Variants in MAPK6 observed in about 807,000 individuals in gnomAD.
MAPK6 encodes the protein ERK-3.
A neutral mutation model predicts 59.3 loss-of-function variants in MAPK6; 19 were observed. The observed-to-expected ratio is 0.32, with a 90% CI of 0.22 to 0.47. The LOEUF is 0.47. Ranked by LOEUF, MAPK6 falls within the 20% of genes least tolerant of loss-of-function variation. MAPK6 has a pLI of 1.00. For missense variants in MAPK6, 724 were observed against 847.9 expected (o/e 0.85, Z 1.81); for synonymous variants, 316 against 290.3 (o/e 1.09, Z -0.90).
chr15:52,041,319 C>G (rs1300022758), intron 1 of MAPK6, among the ~76,000 whole-genome samples: 1 of 152,128 alleles, frequency 6.6e-6, no homozygotes, highest in Non-Finnish European at 1.5e-5. Flanking sequence ...GCCTCAGCCT[C>G]TGGAGTAGCT....
chr15:51,978,218 C>G (rs759112018), intron 1 of MAPK6, among the ~76,000 whole-genome samples: 2 of 151,666 alleles, frequency 1.3e-5, no homozygotes, highest in Non-Finnish European at 2.9e-5. Flanking sequence ...CTGCAGCCTC[C>G]GTCTCCTGGG....
intron 2 of MAPK6, among the ~76,000 whole-genome samples, chr15:51,997,551 C>T (rs997525492): frequency 6.6e-6 from 1 of 152,170 alleles, no homozygotes; most frequent in African/African-American, 2.4e-5. Flanking sequence ...AACCACCTTG[C>T]CCGGCCCAGG....
At chr15:52,061,538 A>G (rs765266001) in intron 5 of MAPK6, 38 bp downstream of exon 5, 31 of 1,462,396 alleles carry the variant, frequency 2.1e-5, no homozygotes, top group Non-Finnish European at 3.0e-5. Context: ...ATATTTACTG[A>G]ACTTTCAGTG....
At chr15:52,056,853 GATGACTCCTGAATTTA>G (rs2032003960) in intron 3 of MAPK6, 1 of 142,102 alleles carries the variant, frequency 7.0e-6, no homozygotes, top group Admixed American at 7.2e-5. Flanking sequence ...CTGAATTTAT[GATGACTCCTGAATTTA>G]TATCTTCAGC....
intron 3 of MAPK6, among the ~76,000 whole-genome samples, chr15:52,055,786 A>T (rs887998483): frequency 6.6e-5 from 10 of 152,178 alleles, no homozygotes; most frequent in African/African-American, 2.4e-4. Flanking sequence ...AAGTGCTGGG[A>T]TTACAGGTGT....
intron 1 of MAPK6, among the ~76,000 whole-genome samples, chr15:52,038,868 G>C (rs984442117): frequency 6.6e-6 from 1 of 152,158 alleles, no homozygotes; most frequent in Non-Finnish European, 1.5e-5. Flanking sequence ...CTCCCATTCT[G>C]AGCATACCAC....
At chr15:52,029,488 T>C (rs1018807520) in intron 1 of MAPK6, among the ~76,000 whole-genome samples, 1 of 152,200 alleles carries the variant, frequency 6.6e-6, no homozygotes, top group Non-Finnish European at 1.5e-5. Flanking sequence ...ATAATTCTCA[T>C]ATTTATGTTT....
chr15:52,013,354 C>T (rs2030147149), intron 3 of MAPK6, among the ~76,000 whole-genome samples: 1 of 152,068 alleles, frequency 6.6e-6, no homozygotes, highest in Admixed American at 6.6e-5. Context: ...TTATATCAGA[C>T]ATTTTCCAGG....
At position 52,058,742 on chromosome 15, in the gene MAPK6, C is replaced by T; in HGVS notation, c.810C>T (p.Asp270=). Residue 270 remains aspartate, a synonymous_variant, in exon 4 of 6, where the codon GAC becomes GAT. Coordinates refer to ENST00000261845, the MANE Select transcript of MAPK6 (RefSeq NM_002748.4). ...TAATTCCAGTTTACATTAGAAATGA[C>T]ATGACTGAGCCACACAAACCTTTAA... ...LSVIPVYIRN[D]MTEPHKPLTQ... 6.2e-7 allele frequency: 1 copy of T among 1,613,520 alleles called. No homozygotes were observed. Among genetic ancestry groups the T allele is most frequent in the Non-Finnish European group, 8.5e-7 (1 of 1,179,716 alleles).
intron 1 of MAPK6, among the ~76,000 whole-genome samples, chr15:52,036,816 C>T (rs924839656): frequency 1.3e-5 from 2 of 151,438 alleles, no homozygotes; most frequent in Non-Finnish European, 2.9e-5. Flanking sequence ...TTCTTTCCCT[C>T]CCCTCCTCTC....
At chr15:52,020,075 G>C (rs2030460234) in intron 1 of MAPK6, 1 of 152,296 alleles carries the variant, frequency 6.6e-6, no homozygotes, top group African/African-American at 2.4e-5. Context: ...TCCTCCCTCG[G>C]CCCTACAGTC....
chr15:51,975,011 C>T (rs1051274177), intron 1 of MAPK6, among the ~76,000 whole-genome samples: 6 of 151,610 alleles, frequency 4.0e-5, no homozygotes, highest in Admixed American at 3.9e-4. Flanking sequence ...GCCACCGCAC[C>T]AGGCCTGAGA....
intron 1 of MAPK6, among the ~76,000 whole-genome samples, chr15:51,979,763 CAG>C (rs967059317): frequency 6.6e-6 from 1 of 151,664 alleles, no homozygotes; most frequent in Non-Finnish European, 1.5e-5. Context: ...CACTGCACTC[CAG>C]CCTGGGTGAC....
chr15:51,998,944 C>T (rs2057234317), intron 2 of MAPK6, among the ~76,000 whole-genome samples: 1 of 150,404 alleles, frequency 6.6e-6, no homozygotes, highest in Admixed American at 6.6e-5. Flanking sequence ...CCCGCCTCAG[C>T]CTCCCAGAGT....
intron 1 of MAPK6, among the ~76,000 whole-genome samples, chr15:52,022,011 A>G (rs920404768): frequency 1.3e-5 from 2 of 152,038 alleles, no homozygotes; most frequent in African/African-American, 4.8e-5. Flanking sequence ...TGAGAGGGGG[A>G]AAAAGATTGA....
chr15:52,060,487 T>G (rs2032158165), intron 4 of MAPK6, among the ~76,000 whole-genome samples: 1 of 152,214 alleles, frequency 6.6e-6, no homozygotes, highest in Non-Finnish European at 1.5e-5. Context: ...GAATTTGTAA[T>G]GAGCCAGATA....
chr15:52,036,068 C>A (rs997527072), intron 1 of MAPK6, among the ~76,000 whole-genome samples: 1 of 152,108 alleles, frequency 6.6e-6, no homozygotes, highest in Non-Finnish European at 1.5e-5. Context: ...TGGAAGAGAC[C>A]ATAGAAATCA....
At chr15:51,979,472 A>G (rs1401858833) in intron 1 of MAPK6, among the ~76,000 whole-genome samples, 1 of 151,868 alleles carries the variant, frequency 6.6e-6, no homozygotes, top group Non-Finnish European at 1.5e-5. Context: ...AACATTCTGA[A>G]TAATATTTAT....
intron 4 of MAPK6, among the ~76,000 whole-genome samples, chr15:52,060,842 C>T (rs1272571227): frequency 6.6e-6 from 1 of 152,134 alleles, no homozygotes; most frequent in Non-Finnish European, 1.5e-5. Context: ...TATTACATAC[C>T]AGACACTATG....
Sources: allele counts gnomAD v4.1 joint callset (sites outside exome capture counted in the v4.1 genomes callset), GRCh38; gene constraint gnomAD v4.1.1; transcripts MANE v1.5; gene names NCBI Gene and HGNC (gene_info 2026-07-23, HGNC 2026-07-21).